AGMO: variants seen among roughly 807,000 people sequenced by gnomAD.
The protein encoded by AGMO is alkylglycerol monooxygenase.
AGMO carries 75 observed loss-of-function variants against 60.2 expected under a neutral mutation model. The observed-to-expected ratio is 1.25, with a 90% CI of 1.03 to 1.51. The LOEUF (loss-of-function observed/expected upper bound fraction) is 1.51. AGMO is among the 40% of genes most tolerant of loss of function. AGMO has a pLI of 0.00. For missense variants in AGMO, 763 were observed against 525.5 expected (o/e 1.45, Z -4.42); for synonymous variants, 261 against 177.1 (o/e 1.47, Z -3.76).
At chr7:15,225,463 AATT>A (rs1415626571) in intron 12 of AGMO, among the ~76,000 whole-genome samples, 2 of 151,990 alleles carry the variant, frequency 1.3e-5, no homozygotes, top group Non-Finnish European at 2.9e-5. Flanking sequence ...GTATAATTTT[AATT>A]ATTATTTCAC....
chr7:15,490,068 T>A (rs1252615718), intron 3 of AGMO, among the ~76,000 whole-genome samples: 3 of 152,244 alleles, frequency 2.0e-5, no homozygotes, highest in Non-Finnish European at 4.4e-5. Flanking sequence ...AAAGATATTA[T>A]AACAAAATCT....
chr7:15,397,574 T>C (rs1393490925), intron 5 of AGMO, among the ~76,000 whole-genome samples: 4 of 152,182 alleles, frequency 2.6e-5, no homozygotes, highest in African/African-American at 9.6e-5. Flanking sequence ...CCTACCTTAC[T>C]TTCCTCCTTC....
At chr7:15,229,280 C>T (rs1422449715) in intron 12 of AGMO, among the ~76,000 whole-genome samples, 3 of 151,894 alleles carry the variant, frequency 2.0e-5, no homozygotes, top group Admixed American at 1.3e-4. Flanking sequence ...GGAGTATATA[C>T]GAACATGGCA....
intron 12 of AGMO, among the ~76,000 whole-genome samples, chr7:15,280,162 C>A (rs969332567): frequency 6.6e-6 from 1 of 152,166 alleles, no homozygotes; most frequent in African/African-American, 2.4e-5. Flanking sequence ...GGTCTGAAAG[C>A]TGTGGTTGCT....
chr7:15,442,694 C>T (rs1781591202), intron 3 of AGMO, among the ~76,000 whole-genome samples: 1 of 151,998 alleles, frequency 6.6e-6, no homozygotes, highest in Admixed American at 6.6e-5. Context: ...GGGGCCTCTA[C>T]CCACAGACCT....
intron 12 of AGMO, among the ~76,000 whole-genome samples, chr7:15,307,789 C>G (rs1028826872): frequency 2.6e-5 from 4 of 151,996 alleles, no homozygotes; most frequent in African/African-American, 4.8e-5. Context: ...CAGATCTTTG[C>G]CTTTTCCTGG....
rs1780848775 is a variant in AGMO, at chr7:15,314,227, A to G, written c.1263+51287T>C. On this transcript the variant is annotated intron_variant, in intron 12 of 12. Transcript: ENST00000342526. The stretch of plus-strand genomic sequence containing the variant: ...TTCATCAGGCTACTCATAATGGTGC[A>G]CAATTTAAAACTCATTAATTGATTA... Among the ~76,000 whole-genome samples, 4 of 152,148 alleles carry G rather than the reference A, an allele frequency of 2.6e-5. No homozygotes were observed. In the South Asian group the frequency reaches 6.2e-4, roughly 24 times the overall value.
At chr7:15,134,316 TGC>T in the AGMO span, among the ~76,000 whole-genome samples, 2 of 152,052 alleles carry the variant, frequency 1.3e-5, no homozygotes, top group African/African-American at 4.8e-5. Flanking sequence ...GTGTGCACCA[TGC>T]ACCACCATGC....
chr7:15,514,246 TTC>T (rs1444776943), intron 3 of AGMO, among the ~76,000 whole-genome samples: 2 of 152,202 alleles, frequency 1.3e-5, no homozygotes, highest in African/African-American at 4.8e-5. Context: ...CGCTTTTCTT[TTC>T]TCTGTTAAAG....
At chr7:15,549,363 C>A (rs928797402) in intron 2 of AGMO, among the ~76,000 whole-genome samples, 3 of 152,032 alleles carry the variant, frequency 2.0e-5, no homozygotes, top group African/African-American at 7.3e-5. Context: ...TTAAAAGACA[C>A]AGACTGGCAA....
the AGMO span, among the ~76,000 whole-genome samples, chr7:15,134,148 C>T: frequency 1.3e-5 from 2 of 151,894 alleles, no homozygotes; most frequent in Non-Finnish European, 2.9e-5. Flanking sequence ...AAGTGTAGTA[C>T]CTAATAGGTA....
At chr7:15,359,608 G>A (rs535641303) in intron 12 of AGMO, among the ~76,000 whole-genome samples, 14 of 152,082 alleles carry the variant, frequency 9.2e-5, no homozygotes, top group Non-Finnish European at 1.8e-4. Flanking sequence ...ATACAACTCA[G>A]TTAGAAGCAA....
chr7:15,528,020 T>C (rs896755995), intron 3 of AGMO, among the ~76,000 whole-genome samples: 4 of 152,142 alleles, frequency 2.6e-5, no homozygotes, highest in Non-Finnish European at 4.4e-5. Context: ...AGGAAATCAA[T>C]GTTTTGATGC....
At chr7:15,120,438 C>G in the AGMO span, among the ~76,000 whole-genome samples, 1 of 152,014 alleles carries the variant, frequency 6.6e-6, no homozygotes. Context: ...ATCGCTAACC[C>G]CAATGTAAGG....
chr7:15,543,741 C>T (rs942174213), intron 3 of AGMO, among the ~76,000 whole-genome samples: 1 of 151,782 alleles, frequency 6.6e-6, no homozygotes, highest in African/African-American at 2.4e-5. Context: ...CATGCATGTG[C>T]AAGTATCTTT....
At chr7:15,421,959 A>G (rs773748658) in intron 4 of AGMO, among the ~76,000 whole-genome samples, 3 of 152,086 alleles carry the variant, frequency 2.0e-5, no homozygotes, top group Non-Finnish European at 4.4e-5. Context: ...GGTGGGAAAG[A>G]TCTGGTACCT....
chr7:15,503,016 C>A (rs1783426743), intron 3 of AGMO, among the ~76,000 whole-genome samples: 1 of 152,062 alleles, frequency 6.6e-6, no homozygotes, highest in African/African-American at 2.4e-5. Flanking sequence ...GCCACCATTA[C>A]TGGTGTCATT....
intron 12 of AGMO, among the ~76,000 whole-genome samples, chr7:15,273,204 T>A (rs561720941): frequency 6.6e-6 from 1 of 152,322 alleles, no homozygotes; most frequent in Non-Finnish European, 1.5e-5. Flanking sequence ...TCCTTGCCCA[T>A]GCCTATGTCC....
chr7:15,455,400 T>C (rs1018194730), intron 3 of AGMO, among the ~76,000 whole-genome samples: 1 of 152,144 alleles, frequency 6.6e-6, no homozygotes, highest in Non-Finnish European at 1.5e-5. Context: ...ACATCATTTA[T>C]GGTGACTTTG....
Sources: allele counts gnomAD v4.1 joint callset (sites outside exome capture counted in the v4.1 genomes callset), GRCh38; gene constraint gnomAD v4.1.1; transcripts MANE v1.5; gene names NCBI Gene and HGNC (gene_info 2026-07-23, HGNC 2026-07-21).